The following DPP10 variants were observed in gnomAD, a reference collection of about 807,000 sequenced individuals.
The protein encoded by DPP10 is dipeptidyl peptidase like 10.
In DPP10, 33 loss-of-function variants were observed where a neutral mutation model predicts 120.9. That is an observed-to-expected ratio of 0.27 (90% CI 0.21 to 0.37). DPP10 has a LOEUF of 0.37. Ranked by LOEUF, DPP10 falls within the 10% of genes least tolerant of loss-of-function variation. DPP10 has a pLI of 1.00. For synonymous variants in DPP10, 337 were observed against 326.1 expected (o/e 1.03, Z -0.36); for missense variants, 816 against 942.8 (o/e 0.87, Z 1.76).
chr2:114,799,488 C>A (rs1025400674), intron 1 of DPP10, among the ~76,000 whole-genome samples: 1 of 152,228 alleles, frequency 6.6e-6, no homozygotes, highest in East Asian at 1.9e-4. Flanking sequence ...ATGATAATTC[C>A]ATTTTCATGA....
chr2:115,154,396 T>C (rs2051759150), intron 1 of DPP10, among the ~76,000 whole-genome samples: 2 of 152,160 alleles, frequency 1.3e-5, no homozygotes. Flanking sequence ...GTTTTAGAAC[T>C]AAGCAATATC....
chr2:115,263,714 C>G (rs1461770003), intron 1 of DPP10, among the ~76,000 whole-genome samples: 2 of 152,164 alleles, frequency 1.3e-5, no homozygotes, highest in African/African-American at 4.8e-5. Flanking sequence ...TCAAAATATA[C>G]TATTTTACTA....
At chr2:114,767,120 AGCTT>A (rs1174631228) in intron 1 of DPP10, among the ~76,000 whole-genome samples, 12 of 145,728 alleles carry the variant, frequency 8.2e-5, no homozygotes, top group East Asian at 2.0e-4. Context: ...AAAAAAAAAA[AGCTT>A]AAAGCTAAAA....
chr2:114,914,200 A>G (rs1694600705), intron 1 of DPP10, among the ~76,000 whole-genome samples: 1 of 152,188 alleles, frequency 6.6e-6, no homozygotes, highest in South Asian at 2.1e-4. Context: ...AATCTAGAAA[A>G]TTCAGCTAAA....
chr2:115,083,584 C>T (rs1708454208), intron 1 of DPP10, among the ~76,000 whole-genome samples: 1 of 152,196 alleles, frequency 6.6e-6, no homozygotes, highest in Non-Finnish European at 1.5e-5. Flanking sequence ...TCTTTTGAAA[C>T]ATTATGATCG....
intron 5 of DPP10, among the ~76,000 whole-genome samples, chr2:115,683,319 A>C (rs1180180654): frequency 1.3e-5 from 2 of 151,946 alleles, no homozygotes; most frequent in African/African-American, 2.4e-5. Flanking sequence ...AAAAAAATTT[A>C]GCATTTGCTC....
At chr2:114,996,651 A>T (rs1701103971) in intron 1 of DPP10, among the ~76,000 whole-genome samples, 1 of 152,206 alleles carries the variant, frequency 6.6e-6, no homozygotes, top group East Asian at 1.9e-4. Context: ...GCAGATCCAT[A>T]GAACAAGCTA....
chr2:115,041,255 G>C (rs2105299932), intron 1 of DPP10, among the ~76,000 whole-genome samples: 1 of 152,110 alleles, frequency 6.6e-6, no homozygotes, highest in Middle Eastern at 3.4e-3. Flanking sequence ...AGCAATGCCA[G>C]AATGAACTAA....
intron 1 of DPP10, among the ~76,000 whole-genome samples, chr2:115,203,164 A>T (rs2055866669): frequency 6.6e-6 from 1 of 152,154 alleles, no homozygotes. Context: ...ACAACTGAAA[A>T]ATGACAAGAA....
chr2:114,827,599 A>C (rs59958649), intron 1 of DPP10, among the ~76,000 whole-genome samples: 1,705 of 152,164 alleles, frequency 0.011, 39 homozygotes, highest in African/African-American at 0.039. Context: ...TTGATTTATT[A>C]ATTGTTACTT....
At chr2:114,922,710 C>G (rs988927353) in intron 1 of DPP10, among the ~76,000 whole-genome samples, 1 of 152,024 alleles carries the variant, frequency 6.6e-6, no homozygotes, top group African/African-American at 2.4e-5. Context: ...CATGTTGTAC[C>G]GTGAATCAAC....
intron 1 of DPP10, among the ~76,000 whole-genome samples, chr2:114,861,259 G>A (rs2106528088): frequency 6.6e-6 from 1 of 152,272 alleles, no homozygotes; most frequent in South Asian, 2.1e-4. Context: ...ACAAGCAGGT[G>A]GGCACAGAGT....
chr2:114,634,853 T>A (rs1366889975), intron 1 of DPP10, among the ~76,000 whole-genome samples: 3 of 151,888 alleles, frequency 2.0e-5, no homozygotes, highest in African/African-American at 7.3e-5. Flanking sequence ...CTGAAGTATG[T>A]GTTGATCTGA....
chr2:114,917,854 C>A (rs967853323), intron 1 of DPP10, among the ~76,000 whole-genome samples: 1 of 152,014 alleles, frequency 6.6e-6, no homozygotes, highest in African/African-American at 2.4e-5. Context: ...TATAAAAATT[C>A]CTAGGAGAAA....
Position 115,275,701 on chromosome 2 carries a change from C to CTTTTTTT in DPP10, c.61-33528_61-33522dup, listed in dbSNP as rs72078308. 2.4e-3 allele frequency among the ~76,000 whole-genome samples: 311 copies of CTTTTTTT among 131,768 alleles called. 1 individual carries two copies. Among genetic ancestry groups the CTTTTTTT allele is most frequent in the Middle Eastern group, 4.1e-3 (1 of 242 alleles). The allele number at this position is 131,768 out of a possible 152,430, so 86.4% of individuals were successfully genotyped here. ...TATTCTAGTAAATTTCTTTTCTTTT[C>CTTTTTTT]TTTTTTTTTTTTTTTTGAGACGGAG... On this transcript the variant is annotated intron_variant, in intron 1 of 25. Coordinates refer to ENST00000410059, the MANE Select transcript of DPP10 (RefSeq NM_020868.6).
intron 5 of DPP10, among the ~76,000 whole-genome samples, chr2:115,629,948 G>A (rs2085702951): frequency 1.3e-5 from 2 of 152,136 alleles, no homozygotes; most frequent in South Asian, 2.1e-4. Flanking sequence ...AATGCCAATG[G>A]TAGTTTAATG....
chr2:115,228,937 T>C (rs2057589909), intron 1 of DPP10, among the ~76,000 whole-genome samples: 1 of 152,128 alleles, frequency 6.6e-6, no homozygotes, highest in African/African-American at 2.4e-5. Flanking sequence ...ATTTTTAGTC[T>C]TTTAAGGAAC....
chr2:115,415,596 A>G (rs1021887561), intron 3 of DPP10, among the ~76,000 whole-genome samples: 6 of 151,978 alleles, frequency 3.9e-5, no homozygotes, highest in Admixed American at 2.0e-4. Flanking sequence ...ACTTAATTGC[A>G]CTTCTCTTTA....
intron 1 of DPP10, among the ~76,000 whole-genome samples, chr2:115,015,411 G>T (rs10166541): frequency 3.9e-5 from 6 of 152,034 alleles, no homozygotes; most frequent in Non-Finnish European, 8.8e-5. Context: ...ATGGGCAAAG[G>T]CTGGAAGCAT....
Sources: allele counts gnomAD v4.1 joint callset (sites outside exome capture counted in the v4.1 genomes callset), GRCh38; gene constraint gnomAD v4.1.1; transcripts MANE v1.5; gene names NCBI Gene and HGNC (gene_info 2026-07-23, HGNC 2026-07-21).